The following AGO3 variants were observed in gnomAD, a reference collection of about 807,000 sequenced individuals.
The protein encoded by AGO3 is protein argonaute-3.
Under a neutral mutation model 105.5 loss-of-function variants are expected in AGO3, and 16 were observed. That is an observed-to-expected ratio of 0.15 (90% CI 0.10 to 0.23). AGO3 has a LOEUF of 0.23. Among genes scored for constraint, AGO3 ranks in the 10% least tolerant of loss-of-function variants. The pLI is 1.00. For missense variants in AGO3, 534 were observed against 1,088.0 expected, an observed-to-expected ratio of 0.49 and a Z score of 7.16; for synonymous variants, 340 against 367.3, an observed-to-expected ratio of 0.93 and a Z score of 0.85.
intron 12 of AGO3, among the ~76,000 whole-genome samples, chr1:36,032,875 A>C (rs1382477284): frequency 6.6e-6 from 1 of 152,154 alleles, no homozygotes; most frequent in African/African-American, 2.4e-5. Flanking sequence ...CTGTAATCCC[A>C]GCACTTTGGG....
chr1:36,023,347 G>A (rs966721039), intron 11 of AGO3, among the ~76,000 whole-genome samples: 10 of 152,106 alleles, frequency 6.6e-5, no homozygotes, highest in South Asian at 4.1e-4. Flanking sequence ...GTTCTACTTC[G>A]GATCCCACTT....
At chr1:35,933,183 C>T (rs915124801) in intron 1 of AGO3, among the ~76,000 whole-genome samples, 3 of 152,082 alleles carry the variant, frequency 2.0e-5, no homozygotes, top group African/African-American at 7.2e-5. Flanking sequence ...AAAGTTTTTT[C>T]TTCAGTACAG....
chr1:35,957,798 T>C (rs1359197301), intron 2 of AGO3, among the ~76,000 whole-genome samples: 2 of 151,948 alleles, frequency 1.3e-5, no homozygotes, highest in African/African-American at 2.4e-5. Context: ...CAGTGGCACA[T>C]GTGAGGCCTG....
chr1:36,033,229 C>T (rs1316560703), intron 12 of AGO3, among the ~76,000 whole-genome samples: 2 of 151,750 alleles, frequency 1.3e-5, no homozygotes, highest in South Asian at 2.1e-4. Flanking sequence ...CCCAGCTACT[C>T]GGGAGGCTGA....
intron 2 of AGO3, among the ~76,000 whole-genome samples, chr1:35,949,601 A>G (rs1212485610): frequency 6.6e-6 from 1 of 152,204 alleles, no homozygotes; most frequent in Non-Finnish European, 1.5e-5. Flanking sequence ...TATTCAAAAT[A>G]TTAAAACAAA....
At chr1:35,973,003 G>GTT (rs200669148) in intron 4 of AGO3, among the ~76,000 whole-genome samples, 1 of 148,322 alleles carries the variant, frequency 6.7e-6, no homozygotes, top group African/African-American at 2.5e-5. Flanking sequence ...GACTCAGTAT[G>GTT]TTTTTTTTTA....
At chr1:35,997,779 C>T (rs1569695042) in intron 5 of AGO3, among the ~76,000 whole-genome samples, 1 of 152,060 alleles carries the variant, frequency 6.6e-6, no homozygotes, top group South Asian at 2.1e-4. Context: ...TCAATGCAAC[C>T]TCCTCCTCCT....
chr1:36,047,753 C>T (rs1184684141), intron 17 of AGO3, among the ~76,000 whole-genome samples: 1 of 151,918 alleles, frequency 6.6e-6, no homozygotes, highest in Non-Finnish European at 1.5e-5. Context: ...TGGTGGCATG[C>T]ACCTGTAGTC....
At chr1:36,051,511 C>T (rs1375619041) in intron 17 of AGO3, among the ~76,000 whole-genome samples, 1 of 151,972 alleles carries the variant, frequency 6.6e-6, no homozygotes, top group Non-Finnish European at 1.5e-5. Flanking sequence ...CTTGAGCCCA[C>T]AAGTTCAAGA....
chr1:35,951,211 G>A (rs1184473072), intron 2 of AGO3, among the ~76,000 whole-genome samples: 7 of 151,946 alleles, frequency 4.6e-5, no homozygotes, highest in Non-Finnish European at 7.4e-5. Flanking sequence ...TCGGCTTCCC[G>A]AAGTGCTGGG....
At chr1:35,953,736 C>G (rs1336482009) in intron 2 of AGO3, among the ~76,000 whole-genome samples, 1 of 151,952 alleles carries the variant, frequency 6.6e-6, no homozygotes, top group East Asian at 1.9e-4. Flanking sequence ...GGTCTCGAAC[C>G]TCTGACCTCA....
intron 2 of AGO3, among the ~76,000 whole-genome samples, chr1:35,954,929 G>C (rs146681778): frequency 1.3e-5 from 2 of 152,230 alleles, no homozygotes; most frequent in Non-Finnish European, 2.9e-5. Context: ...TGCAGCACCT[G>C]CCTGTGCTGA....
At chr1:35,939,756 T>C (rs1447579103) in intron 1 of AGO3, among the ~76,000 whole-genome samples, 3 of 152,154 alleles carry the variant, frequency 2.0e-5, no homozygotes, top group Non-Finnish European at 4.4e-5. Context: ...TTATGATATT[T>C]TACTATAGAG....
intron 2 of AGO3, among the ~76,000 whole-genome samples, chr1:35,963,791 A>C (rs1252665625): frequency 3.9e-5 from 6 of 152,198 alleles, no homozygotes; most frequent in Admixed American, 2.0e-4. Context: ...AGTATAAGAA[A>C]TACTGCAAAG....
chr1:36,026,589 G>A (rs1641514439), intron 11 of AGO3, among the ~76,000 whole-genome samples: 1 of 152,140 alleles, frequency 6.6e-6, no homozygotes, highest in Non-Finnish European at 1.5e-5. Context: ...CTGTAAAACA[G>A]GAATAATACC....
chr1:36,026,997 T>C lies in AGO3; in HGVS notation c.1407-117T>C, dbSNP rs571839791. 2.8e-5 allele frequency: 33 copies of C among 1,199,622 alleles called. No individual in the cohort carries two copies. The African/African-American group carries it at 3.5e-4, about 13-fold the overall frequency. The allele number at this position is 1,199,622 out of a possible 1,614,324, so 74.3% of individuals were successfully genotyped here. A position where few individuals can be genotyped will look rare whatever the true frequency, so the allele number is the denominator to read the frequency against. On this transcript the variant is annotated intron_variant, in intron 11 of 18. Coordinates refer to ENST00000373191, the MANE Select transcript of AGO3 (RefSeq NM_024852.4). Reference sequence around the variant, plus strand: ...ATCAGTAGTCTGGTGACCTCTCATATATGAAGCACACAAATCTTTGCTTCA... The same window carrying C: ...ATCAGTAGTCTGGTGACCTCTCATACATGAAGCACACAAATCTTTGCTTCA...
chr1:36,052,649 C>G (rs1016769184), intron 17 of AGO3, among the ~76,000 whole-genome samples: 3 of 152,066 alleles, frequency 2.0e-5, no homozygotes, highest in African/African-American at 7.2e-5. Context: ...CACTGTACCT[C>G]ATAAATATGT....
intron 12 of AGO3, among the ~76,000 whole-genome samples, chr1:36,032,237 G>A (rs367785422): frequency 2.6e-5 from 4 of 152,084 alleles, no homozygotes; most frequent in African/African-American, 9.7e-5. Flanking sequence ...CTGGCTTTTT[G>A]ATAGTAGCCA....
intron 16 of AGO3, chr1:36,043,245 G>A: frequency 1.8e-6 from 1 of 556,604 alleles, no homozygotes; most frequent in Non-Finnish European, 3.2e-6. Flanking sequence ...GTTTTGTTGT[G>A]TATCAGCGCT....
Sources: allele counts gnomAD v4.1 joint callset (sites outside exome capture counted in the v4.1 genomes callset), GRCh38; gene constraint gnomAD v4.1.1; transcripts MANE v1.5; gene names NCBI Gene and HGNC (gene_info 2026-07-23, HGNC 2026-07-21).